Variants in GUCY1A1 observed in about 807,000 individuals in gnomAD.
GUCY1A1 encodes guanylate cyclase 1 soluble subunit alpha 1, also known as guanylate cyclase soluble subunit alpha-1.
A neutral mutation model predicts 64.5 loss-of-function variants in GUCY1A1; 48 were observed. The ratio of observed to expected loss-of-function variants is 0.74; its 90% confidence interval spans 0.59 to 0.95. GUCY1A1 has a LOEUF of 0.95. GUCY1A1 is among the 40% of genes least tolerant of loss of function. GUCY1A1 has a pLI of 0.00. For missense variants in GUCY1A1, 804 were observed against 825.3 expected (o/e 0.97, Z 0.32); for synonymous variants, 308 against 303.4 (o/e 1.02, Z -0.16).
At chr4:155,695,482 A>G (rs565073553) in intron 2 of GUCY1A1, among the ~76,000 whole-genome samples, 2 of 152,350 alleles carry the variant, frequency 1.3e-5, no homozygotes, top group Admixed American at 1.3e-4. Context: ...TTTGTAAACC[A>G]TATTTTGAAG....
Position 155,732,600 on chromosome 4 carries a change from A to C in GUCY1A1, c.*2369A>C, listed in dbSNP as rs941418943. 2.0e-5 allele frequency among the ~76,000 whole-genome samples: 3 copies of C among 151,940 alleles called. No individual in the cohort carries two copies. Among genetic ancestry groups the C allele is most frequent in the African/African-American group, 7.2e-5 (3 of 41,424 alleles). On this transcript the variant is annotated 3_prime_UTR_variant, in exon 10 of 10. Coordinates refer to ENST00000506455, the MANE Select transcript of GUCY1A1 (RefSeq NM_001130682.3). ...CCAGACCACTGATGGTAGCCAGAGT[A>C]GAGACCCTGGAGCATAGATTCTTAA...
intron 2 of GUCY1A1, among the ~76,000 whole-genome samples, chr4:155,674,352 T>TA (rs33934660): frequency 7.0e-6 from 1 of 143,358 alleles, no homozygotes; most frequent in African/African-American, 2.7e-5. Context: ...AGACTCCATC[T>TA]AAAAAAAAAA....
chr4:155,734,088 C>T lies in GUCY1A1; in HGVS notation c.*3857C>T, dbSNP rs934144652. On this transcript the variant is annotated 3_prime_UTR_variant, in exon 10 of 10. Transcript: ENST00000506455. ...TTCTTCTCCCTGATATTTCCAGCCA[C>T]GCCAAGGCAAAGACTTCCCAGCTCT... is the stretch of plus-strand genomic sequence containing the variant. Among the ~76,000 whole-genome samples, 9 of 151,866 alleles carry T rather than the reference C, an allele frequency of 5.9e-5. No individual in the cohort carries two copies. Among genetic ancestry groups the T allele is most frequent in the Non-Finnish European group, 8.8e-5 (6 of 67,902 alleles).
At chr4:155,690,687 C>G (rs539092182) in intron 2 of GUCY1A1, among the ~76,000 whole-genome samples, 1 of 152,140 alleles carries the variant, frequency 6.6e-6, no homozygotes, top group South Asian at 2.1e-4. Context: ...CTTGGCCTGA[C>G]GCAGCTCAGA....
chr4:155,710,833 C>T lies in GUCY1A1; in HGVS notation c.668C>T (p.Ala223Val). 6.2e-7 allele frequency: 1 copy of T among 1,614,104 alleles called. No homozygotes were observed. The highest frequency in any genetic ancestry group is 8.5e-7 in the Non-Finnish European group (1 of 1,179,988). ...CTTCCCGGCATCATAAAGGCAGCTG[C>T]TCACGTATTATATGAAACGGAAGTG... is the stretch of plus-strand genomic sequence containing the variant. ...LILPGIIKAA[A>V]HVLYETEVEV... Residue 223 changes from alanine (A) to valine (V), a missense_variant, in exon 6 of 10, where the codon GCT becomes GTT. By Grantham distance (64) the Ala-to-Val change is moderately conservative (BLOSUM62 0). Coordinates refer to ENST00000506455, the MANE Select transcript of GUCY1A1 (RefSeq NM_001130682.3).
chr4:155,710,913 C>A lies in GUCY1A1; in HGVS notation c.748C>A (p.Gln250Lys). ...FHNDCSEFVN[Q>K]PYLLYSVHMK... ...TAATGATTGCAGCGAGTTTGTGAAT[C>A]AGCCCTACTTGTTGTACTCCGTTCA... Residue 250 changes from glutamine to lysine, a missense_variant, in exon 6 of 10, where the codon CAG becomes AAG. Coordinates refer to ENST00000506455, the MANE Select transcript of GUCY1A1 (RefSeq NM_001130682.3). 6.2e-7 allele frequency: 1 copy of A among 1,614,008 alleles called. No homozygotes were observed. The highest frequency in any genetic ancestry group is 8.5e-7 in the Non-Finnish European group (1 of 1,179,910).
At position 155,733,259 on chromosome 4, in the gene GUCY1A1, T is replaced by C. The variant is rs1330107479; in HGVS notation, c.*3028T>C. 6.6e-6 allele frequency among the ~76,000 whole-genome samples: 1 copy of C among 151,574 alleles called. No individual in the cohort carries two copies. Among genetic ancestry groups the C allele is most frequent in the African/African-American group, 2.4e-5 (1 of 41,306 alleles). ...TACAACATTCTGTGGGAGCACAAAGTAGGGGACTCAGTTCTTAGAGAAGTC... is the reference window on the plus strand; with the variant it reads ...TACAACATTCTGTGGGAGCACAAAGCAGGGGACTCAGTTCTTAGAGAAGTC... On this transcript the variant is annotated 3_prime_UTR_variant, in exon 10 of 10. Transcript: ENST00000506455.
chr4:155,728,936 A>C (rs1017485822), intron 9 of GUCY1A1, among the ~76,000 whole-genome samples: 1 of 151,826 alleles, frequency 6.6e-6, no homozygotes, highest in Non-Finnish European at 1.5e-5. Flanking sequence ...GTCACTCAAA[A>C]ATATTTATAA....
chr4:155,698,634 T>C (rs569635086), intron 3 of GUCY1A1, among the ~76,000 whole-genome samples: 27 of 152,280 alleles, frequency 1.8e-4, no homozygotes, highest in African/African-American at 6.5e-4. Context: ...AAAAACATTA[T>C]GGTTCACCTC....
At chr4:155,702,938 T>G (rs956459062) in intron 3 of GUCY1A1, among the ~76,000 whole-genome samples, 6 of 151,100 alleles carry the variant, frequency 4.0e-5, no homozygotes, top group African/African-American at 1.5e-4. Context: ...CTGGGGAAAC[T>G]ATAGAAAGAA....
intron 2 of GUCY1A1, among the ~76,000 whole-genome samples, chr4:155,686,087 A>T (rs774346589): frequency 2.0e-5 from 3 of 152,292 alleles, no homozygotes; most frequent in Middle Eastern, 3.4e-3. Context: ...TGTTTGCACA[A>T]ATATCTTAAA....
intron 2 of GUCY1A1, among the ~76,000 whole-genome samples, chr4:155,693,045 T>G (rs1729960454): frequency 6.6e-6 from 1 of 151,788 alleles, no homozygotes; most frequent in Non-Finnish European, 1.5e-5. Flanking sequence ...GATGACAGAG[T>G]GAGACTCTGT....
chr4:155,682,394 C>G (rs939123848), intron 2 of GUCY1A1, among the ~76,000 whole-genome samples: 1 of 152,002 alleles, frequency 6.6e-6, no homozygotes, highest in Non-Finnish European at 1.5e-5. Flanking sequence ...TAAGAAAATT[C>G]GACTGGGCAC....
At chr4:155,681,175 G>C (rs1190043826) in intron 2 of GUCY1A1, among the ~76,000 whole-genome samples, 1 of 152,054 alleles carries the variant, frequency 6.6e-6, no homozygotes, top group Non-Finnish European at 1.5e-5. Flanking sequence ...GATGCTTTCT[G>C]ATGGGTTAAA....
At position 155,710,704 on chromosome 4, in the gene GUCY1A1, G is replaced by GA; in HGVS notation, c.544dup (p.Arg182LysfsTer5). The stretch of plus-strand genomic sequence containing the variant: ...CAGAGCAGCCATTGCCAAGAAGCAG[G>GA]AAAAAGGGGCAGGCTTGAGGACGCC... On this transcript the variant is annotated frameshift_variant, in exon 6 of 10. Coordinates refer to ENST00000506455, the MANE Select transcript of GUCY1A1 (RefSeq NM_001130682.3). LOFTEE classifies it high-confidence loss of function. The GA allele has an allele frequency of 1.2e-6, 2 of 1,614,092 alleles. No homozygotes were observed. Among genetic ancestry groups the GA allele is most frequent in the Non-Finnish European group, 1.7e-6 (2 of 1,179,994 alleles).
intron 9 of GUCY1A1, among the ~76,000 whole-genome samples, chr4:155,723,456 C>T (rs767830459): frequency 8.6e-5 from 13 of 151,968 alleles, no homozygotes; most frequent in South Asian, 2.1e-4. Context: ...TAAACCAATC[C>T]GTGGTAACTA....
chr4:155,695,866 T>C (rs960308803), intron 2 of GUCY1A1, among the ~76,000 whole-genome samples: 3 of 152,218 alleles, frequency 2.0e-5, no homozygotes, highest in African/African-American at 7.2e-5. Context: ...TTAATCAAGA[T>C]AATTAGTATT....
At chr4:155,667,498 G>A (rs1419450607) in intron 2 of GUCY1A1, 79 bp downstream of exon 2, 2 of 152,220 alleles carry the variant, frequency 1.3e-5, no homozygotes, top group African/African-American at 4.8e-5. Flanking sequence ...CGCTTGGGCT[G>A]GGTCTCCTTC....
chr4:155,715,590 A>G (rs1238819786), intron 7 of GUCY1A1, among the ~76,000 whole-genome samples: 1 of 152,200 alleles, frequency 6.6e-6, no homozygotes, highest in African/African-American at 2.4e-5. Flanking sequence ...GGGATGCAGT[A>G]TGCACAAAGG....
Sources: gnomAD v4.1 joint callset for allele counts (sites outside exome capture counted in the v4.1 genomes callset) on GRCh38, gnomAD v4.1.1 for gene constraint, MANE v1.5 for transcripts, NCBI Gene and HGNC (gene_info 2026-07-23, HGNC 2026-07-21) for gene names.